Variants in CLDN15 observed in about 807,000 individuals in gnomAD.
CLDN15 encodes the protein claudin-15.
Under a neutral mutation model 24.5 loss-of-function variants are expected in CLDN15, and 9 were observed. The ratio of observed to expected loss-of-function variants is 0.37; its 90% confidence interval spans 0.22 to 0.64. CLDN15 has a LOEUF of 0.64. Ranked by LOEUF, CLDN15 falls within the 30% of genes least tolerant of loss-of-function variation. The pLI is 0.63. For synonymous variants in CLDN15, 149 were observed against 131.4 expected (o/e 1.13, Z -0.92); for missense variants, 248 against 305.9 (o/e 0.81, Z 1.41).
chr7:101,234,003 C>A, intron 2 of CLDN15: 1 of 639,720 alleles, frequency 1.6e-6, no homozygotes, highest in Non-Finnish European at 2.9e-6. Flanking sequence ...GATGTAAGCT[C>A]CCGGAGGCAG....
Position 101,232,853 on chromosome 7 carries a change from G to T in CLDN15, c.444C>A (p.Asp148Glu). 6.2e-7 allele frequency: 1 copy of T among 1,613,342 alleles called. No homozygotes were observed. ...CTCACTTGGTTCCGGGGTACAAGGG[G>T]TCGAAGAAGTCCCGGGTGATGTTGA... ...YAFNITRDFFDPLYPGTKYEL... is the reference protein window; with the variant it reads ...YAFNITRDFFEPLYPGTKYEL... Residue 148 changes from aspartate to glutamate, a missense_variant, in exon 3 of 5, where the codon GAC becomes GAA. Asp to Glu is a conservative substitution (Grantham distance 45). Coordinates refer to ENST00000308344, the MANE Select transcript of CLDN15 (RefSeq NM_014343.3).
At chr7:101,233,766 T>TTTTC (rs1798547745) in intron 2 of CLDN15, 2 of 108,722 alleles carry the variant, frequency 1.8e-5, no homozygotes, top group Non-Finnish European at 3.5e-5. Context: ...CCTGGCTAAT[T>TTTTC]TTTTTTTTTT....
intron 3 of CLDN15, 36 bp downstream of exon 3, chr7:101,232,797 C>T: frequency 1.9e-6 from 3 of 1,590,376 alleles, no homozygotes; most frequent in Non-Finnish European, 2.6e-6. Context: ...CCACCCGCTG[C>T]CCCGAGGGCG....
intron 1 of CLDN15, among the ~76,000 whole-genome samples, chr7:101,234,936 G>T (rs1330607574): frequency 2.0e-5 from 3 of 152,070 alleles, no homozygotes; most frequent in Non-Finnish European, 4.4e-5. Flanking sequence ...ACCTGAGCTG[G>T]GCAACTCTAT....
intron 1 of CLDN15, 119 bp from the exon 2 acceptor site, chr7:101,234,561 G>C (rs1798588963): frequency 2.9e-6 from 2 of 688,130 alleles, no homozygotes; most frequent in Non-Finnish European, 5.0e-6. Context: ...CCAGTAGCTG[G>C]GATTACAGAC....
In CLDN15 at chr7:101,232,128, T is replaced by G; in HGVS notation, c.*282A>C. On this transcript the variant is annotated 3_prime_UTR_variant, in exon 5 of 5. Coordinates refer to ENST00000308344, the MANE Select transcript of CLDN15 (RefSeq NM_014343.3). The stretch of plus-strand genomic sequence containing the variant: ...AATATGCATTTATTAATGAATGTAT[T>G]TATACACAATACAAACGTGCGGGGA... 1 of 360,322 alleles carries G rather than the reference T, an allele frequency of 2.8e-6. No individual in the cohort carries two copies. The highest frequency in any genetic ancestry group is 5.0e-6 in the Non-Finnish European group (1 of 198,056). 22.3% of individuals were successfully genotyped at this position (360,322 alleles called of 1,614,324 possible).
intron 1 of CLDN15, among the ~76,000 whole-genome samples, chr7:101,236,090 C>T (rs1304233761): frequency 6.6e-6 from 1 of 152,182 alleles, no homozygotes; most frequent in East Asian, 1.9e-4. Flanking sequence ...ATCTTTCATG[C>T]AGTTGCCAGG....
intron 4 of CLDN15, 38 bp downstream of exon 4, chr7:101,232,566 A>G (rs548317722): frequency 3.8e-6 from 6 of 1,596,842 alleles, no homozygotes; most frequent in Middle Eastern, 1.7e-4. Context: ...CCTCTCTCCA[A>G]TCCCGCCCGG....
At chr7:101,232,780 C>A in intron 3 of CLDN15, 53 bp downstream of exon 3, 1 of 1,576,106 alleles carries the variant, frequency 6.3e-7, no homozygotes, top group Admixed American at 1.7e-5. Flanking sequence ...GGGGGCAGGG[C>A]TGAGTCCCAC....
At chr7:101,235,433 T>G (rs985843577) in intron 1 of CLDN15, among the ~76,000 whole-genome samples, 1 of 152,166 alleles carries the variant, frequency 6.6e-6, no homozygotes, top group African/African-American at 2.4e-5. Flanking sequence ...CCGGTGGAGT[T>G]TCTGACCTAG....
At position 101,237,249 on chromosome 7, in the gene CLDN15, G is replaced by T; in HGVS notation, c.217+116C>A. ...CAGCACTCCTGGCTGCGGGAACTCA[G>T]ACCCGCAGAGCTTAATTCAGGGCTC... is the stretch of plus-strand genomic sequence containing the variant. On this transcript the variant is annotated intron_variant, in intron 1 of 4. Transcript: ENST00000308344. The surrounding 1 kb of genome is among the most constrained non-coding windows in gnomAD (Gnocchi z 4.0). 1 of 748,302 alleles carries T rather than the reference G, an allele frequency of 1.3e-6. No individual in the cohort carries two copies. The highest frequency in any genetic ancestry group is 1.6e-5 in the South Asian group (1 of 63,916). The allele number at this position is 748,302 out of a possible 1,614,324, so 46.4% of individuals were successfully genotyped here.
At chr7:101,236,811 C>T in intron 1 of CLDN15, 4 of 1,291,240 alleles carry the variant, frequency 3.1e-6, no homozygotes, top group Non-Finnish European at 4.0e-6. Context: ...CCTCCCTTCA[C>T]AGGGGCCCTT....
At position 101,232,261 on chromosome 7, in the gene CLDN15, G is replaced by GA. The variant is rs200275514; in HGVS notation, c.*148dup. ...GCAGTTCTTGGCCTGGAGGGGCCAT[G>GA]AGAGTGCAAGACACGGGGCCGTGGC... On this transcript the variant is annotated 3_prime_UTR_variant, in exon 5 of 5. Coordinates refer to ENST00000308344, the MANE Select transcript of CLDN15 (RefSeq NM_014343.3). The GA allele has an allele frequency of 1.4e-3, 854 of 601,850 alleles. 5 individuals are homozygous for GA. The African/African-American group carries it at 0.015, about 10-fold the overall frequency. 37.3% of individuals were successfully genotyped at this position (601,850 alleles called of 1,614,324 possible).
intron 2 of CLDN15, among the ~76,000 whole-genome samples, 177 bp from the exon 3 acceptor site, chr7:101,233,091 G>A (rs1040561925): frequency 1.3e-5 from 2 of 151,986 alleles, no homozygotes; most frequent in African/African-American, 4.8e-5. Flanking sequence ...CTCCTTCCTG[G>A]GGTCAACTTC....
Position 101,232,999 on chromosome 7 carries a change from C to T in CLDN15, c.383-85G>A, listed in dbSNP as rs557729932. On this transcript the variant is annotated intron_variant, in intron 2 of 4. Transcript: ENST00000308344. ...TTAGGGGAGAGGCAGGCAGGGGCTG[C>T]CCAGAGTAGGACGGGGGCACCAAGT... 3.2e-6 allele frequency: 3 copies of T among 930,202 alleles called. No homozygotes were observed. In the Admixed American group the frequency reaches 5.8e-5, roughly 18 times the overall value. 57.6% of individuals were successfully genotyped at this position (930,202 alleles called of 1,614,324 possible). A position where few individuals can be genotyped will look rare whatever the true frequency, so the allele number is the denominator to read the frequency against.
chr7:101,232,230 C>T lies in CLDN15; in HGVS notation c.*180G>A, dbSNP rs1442741647. On this transcript the variant is annotated 3_prime_UTR_variant, in exon 5 of 5. Coordinates refer to ENST00000308344, the MANE Select transcript of CLDN15 (RefSeq NM_014343.3). ...CCTCAGAGGGGAGATATGCGACTTC[C>T]CAAGAGCAGTTCTTGGCCTGGAGGG... The T allele has an allele frequency of 1.7e-6, 1 of 574,222 alleles. No individual in the cohort carries two copies. The highest frequency in any genetic ancestry group is 1.9e-5 in the African/African-American group (1 of 52,304). 35.6% of individuals were successfully genotyped at this position (574,222 alleles called of 1,614,324 possible). A position where few individuals can be genotyped will look rare whatever the true frequency, so the allele number is the denominator to read the frequency against.
chr7:101,232,556 C>A (rs1247473336), intron 4 of CLDN15, 41 bp from the exon 5 acceptor site: 5 of 1,596,294 alleles, frequency 3.1e-6, no homozygotes, highest in Non-Finnish European at 4.3e-6. Context: ...GCGCGGCCCT[C>A]CTCTCTCCAA....
intron 3 of CLDN15, 52 bp from the exon 4 acceptor site, chr7:101,232,772 G>T: frequency 6.3e-7 from 1 of 1,579,418 alleles, no homozygotes; most frequent in African/African-American, 1.3e-5. Flanking sequence ...GCCAGCCGGG[G>T]GGCAGGGCTG....
In CLDN15 at chr7:101,232,475, C is replaced by T. The variant is rs1478943283; in HGVS notation, c.622G>A (p.Val208Ile). ...TCGCCTTCTTGGTCCGAGGTGGCGA[C>T]GGGCATCACGGACACTGGAGCCTGG... ...PYQAPVSVMPVATSDQEGDSS... is the reference protein window; with the variant it reads ...PYQAPVSVMPIATSDQEGDSS... Residue 208 changes from valine (V) to isoleucine (I), a missense_variant, in exon 5 of 5, where the codon GTC becomes ATC. Physicochemically the swap from Val to Ile is conservative, Grantham distance 29 (BLOSUM62 3). Coordinates refer to ENST00000308344, the MANE Select transcript of CLDN15 (RefSeq NM_014343.3). 2.5e-6 allele frequency: 4 copies of T among 1,613,406 alleles called. No individual in the cohort carries two copies. Among genetic ancestry groups the T allele is most frequent in the Non-Finnish European group, 3.4e-6 (4 of 1,179,558 alleles).
Sources: gnomAD v4.1 joint callset for allele counts (sites outside exome capture counted in the v4.1 genomes callset) on GRCh38, gnomAD v4.1.1 for gene constraint, Gnocchi (gnomAD v3.1) non-coding constraint, MANE v1.5 for transcripts, NCBI Gene and HGNC (gene_info 2026-07-23, HGNC 2026-07-21) for gene names.